Variants in TUBA3E observed in about 807,000 individuals in gnomAD.
TUBA3E encodes the protein tubulin alpha 3e.
A neutral mutation model predicts 36.7 loss-of-function variants in TUBA3E; 21 were observed. The observed-to-expected ratio is 0.57, with a 90% CI of 0.41 to 0.83. The LOEUF is 0.83. TUBA3E is among the 40% of genes least tolerant of loss of function. The probability of loss-of-function intolerance (pLI) is 0.00; values close to 1 mark genes in which losing one functional copy is unlikely to be tolerated. For missense variants in TUBA3E, 469 were observed against 604.2 expected (o/e 0.78, Z 2.35); for synonymous variants, 177 against 241.9 (o/e 0.73, Z 2.49).
rs1169016728 is a variant in TUBA3E, at chr2:130,194,574, A to C, written c.376-108T>G. 8 of 1,225,722 alleles carry C rather than the reference A, an allele frequency of 6.5e-6. No individual in the cohort carries two copies. The African/African-American group carries it at 1.2e-4, about 19-fold the overall frequency. 75.9% of individuals were successfully genotyped at this position (1,225,722 alleles called of 1,614,324 possible). ...CCTCTAAAGAGTTGATATGGATTCA[A>C]ATCATCCATAATAAACATGCAATAC... On this transcript the variant is annotated intron_variant, in intron 3 of 4. Coordinates refer to ENST00000312988, the MANE Select transcript of TUBA3E (RefSeq NM_207312.3).
intron 4 of TUBA3E, among the ~76,000 whole-genome samples, chr2:130,193,086 G>A (rs527363061): frequency 1.2e-4 from 15 of 124,702 alleles, no homozygotes; most frequent in Non-Finnish European, 2.3e-4. Context: ...GAGCAAGATT[G>A]TCTCAAAAAA....
chr2:130,194,972 C>T (rs1374309650), intron 3 of TUBA3E, 107 bp downstream of exon 3: 8 of 1,551,418 alleles, frequency 5.2e-6, no homozygotes, highest in African/African-American at 1.4e-5. Flanking sequence ...GCCACCGCGC[C>T]CGGCCAAGAT....
rs1323211732 is a variant in TUBA3E at position 130,194,417 on chromosome 2, C to T, written c.425G>A (p.Gly142Glu). 1 of 1,604,502 alleles carries T rather than the reference C, an allele frequency of 6.2e-7. No individual in the cohort carries two copies. The highest frequency in any genetic ancestry group is 8.5e-7 in the Non-Finnish European group (1 of 1,175,766). The change falls in exon 4 of 5, where the codon GGG becomes GAG. Residue 142 changes from glycine to glutamate, a missense_variant. Physicochemically the swap from Gly to Glu is moderately conservative, Grantham distance 98. Around this residue, in one of 3 missense-constraint regions of TUBA3E, gnomAD observed 169 missense variants for 239.0 expected, o/e 0.71. Transcript: ENST00000312988. ...TGCGAACCCAGAGCCAGTGCCGCCC[C>T]CAAAGCTGTGGAAGATGAGGAAGCC... ...LQGFLIFHSF[G>E]GGTGSGFASL...
chr2:130,196,403 C>T, intron 1 of TUBA3E, 32 bp from the exon 2 acceptor site: 1 of 1,598,164 alleles, frequency 6.3e-7, no homozygotes, highest in Non-Finnish European at 8.6e-7. Flanking sequence ...TGAACCCATT[C>T]ATTTCAAGGC....
chr2:130,198,174 G>A (rs1224166382), intron 1 of TUBA3E, among the ~76,000 whole-genome samples, 184 bp downstream of exon 1: 1 of 123,052 alleles, frequency 8.1e-6, no homozygotes, highest in Non-Finnish European at 1.8e-5. Flanking sequence ...AACAAAAGCC[G>A]CCGTCCCTGC....
At position 130,192,029 on chromosome 2, in the gene TUBA3E, C is replaced by A; in HGVS notation, c.1155G>T (p.Ala385=). ...TATGGACCAGGCGGGCCCAGGCCTC[C>A]GCAATGGCCGTGGTGTTGCTCAGCA... The part of the protein sequence containing the change: ...VCMLSNTTAI[A]EAWARLVHKF... Residue 385 remains alanine (A), a synonymous_variant, in exon 5 of 5, where the codon GCG becomes GCT. Transcript: ENST00000312988. 1 of 1,614,108 alleles carries A rather than the reference C, an allele frequency of 6.2e-7. No individual in the cohort carries two copies. Among genetic ancestry groups the A allele is most frequent in the Non-Finnish European group, 8.5e-7 (1 of 1,180,020 alleles).
intron 4 of TUBA3E, among the ~76,000 whole-genome samples, chr2:130,192,583 T>TAGC (rs946872175): frequency 2.0e-5 from 3 of 152,268 alleles, no homozygotes; most frequent in Non-Finnish European, 2.9e-5. Flanking sequence ...TATGCAAAGG[T>TAGC]AGCAGATCAT....
Position 130,197,894 on chromosome 2 carries a change from C to T in TUBA3E, c.3+464G>A, listed in dbSNP as rs1468365843. Among the ~76,000 whole-genome samples the T allele has an allele frequency of 4.0e-5, 5 of 125,252 alleles. 1 individual carries two copies. Among genetic ancestry groups the T allele is most frequent in the Admixed American group, 1.8e-4 (2 of 11,328 alleles). The allele number at this position is 125,252 out of a possible 152,430, so 82.2% of individuals were successfully genotyped here. ...AAGGGCTGGGATTCCAGGCGTGAGC[C>T]GCCGCGCCTGGCCTAACGGTTGCCT... On this transcript the variant is annotated intron_variant, in intron 1 of 4. Coordinates refer to ENST00000312988, the MANE Select transcript of TUBA3E (RefSeq NM_207312.3).
At position 130,193,876 on chromosome 2, in the gene TUBA3E, G is replaced by A. The variant is rs765315041; in HGVS notation, c.966C>T (p.Asp322=). 1.2e-5 allele frequency: 19 copies of A among 1,614,072 alleles called. No individual in the cohort carries two copies. The highest frequency in any genetic ancestry group is 5.5e-5 in the South Asian group (5 of 91,094). Residue 322 remains aspartate, a synonymous_variant, in exon 4 of 5, where the codon GAC becomes GAT. Transcript: ENST00000312988. Reference sequence around the variant, plus strand: ...CCGCATTGACGTCTTTGGGGACCACGTCCCCCCTGTACAACATGCAGCAGG... The same window carrying A: ...CCGCATTGACGTCTTTGGGGACCACATCCCCCCTGTACAACATGCAGCAGG... ...YMACCMLYRG[D]VVPKDVNAAI...
chr2:130,192,243 C>G, intron 4 of TUBA3E, 116 bp from the exon 5 acceptor site: 1 of 1,409,098 alleles, frequency 7.1e-7, no homozygotes, highest in South Asian at 1.4e-5. Context: ...GCTCAGTTCA[C>G]CTCACAAACG....
chr2:130,195,199 C>T lies in TUBA3E; in HGVS notation c.255G>A (p.Gln85=), dbSNP rs1690375106. ...VDEVRTGTYR[Q]LFHPEQLITG... ...TGATCAGCTGCTCTGGGTGGAAGAG[C>T]TGCCTGTAGGTCCCTGTGCGCACTT... Residue 85 remains glutamine, a synonymous_variant, in exon 3 of 5, where the codon CAG becomes CAA. Coordinates refer to ENST00000312988, the MANE Select transcript of TUBA3E (RefSeq NM_207312.3). The T allele has an allele frequency of 6.2e-7, 1 of 1,614,042 alleles. No homozygotes were observed. The highest frequency in any genetic ancestry group is 8.5e-7 in the Non-Finnish European group (1 of 1,179,982).
intron 4 of TUBA3E, among the ~76,000 whole-genome samples, chr2:130,193,090 C>CA (rs34628369): frequency 0.42 from 56,013 of 133,936 alleles, 11,107 homozygotes; most frequent in Admixed American, 0.5. Context: ...AAGATTGTCT[C>CA]AAAAAAAAAA....
At chr2:130,196,454 A>G in intron 1 of TUBA3E, 83 bp from the exon 2 acceptor site, 1 of 1,532,770 alleles carries the variant, frequency 6.5e-7, no homozygotes, top group Non-Finnish European at 8.8e-7. Flanking sequence ...CTAATTTAAT[A>G]TTTATATAGT....
Position 130,198,364 on chromosome 2 carries a change from G to C in TUBA3E, c.-4C>G. On this transcript the variant is annotated 5_prime_UTR_variant, in exon 1 of 5. Transcript: ENST00000312988. ...GGAGTGACCCGGGTCTTACCATGGC[G>C]AACTCCGCTGCTTCAGCCCAACGCT... is the stretch of plus-strand genomic sequence containing the variant. The C allele has an allele frequency of 1.5e-6, 2 of 1,356,582 alleles. 1 individual carries two copies. The highest frequency in any genetic ancestry group is 2.0e-6 in the Non-Finnish European group (2 of 995,302). 84.0% of individuals were successfully genotyped at this position (1,356,582 alleles called of 1,614,324 possible).
At chr2:130,194,858 A>T (rs1690365149) in intron 3 of TUBA3E, among the ~76,000 whole-genome samples, 2 of 152,136 alleles carry the variant, frequency 1.3e-5, no homozygotes, top group Non-Finnish European at 2.9e-5. Context: ...TCGTATTTTT[A>T]GTAGACATAG....
At chr2:130,195,612 A>G (rs1033634995) in intron 2 of TUBA3E, among the ~76,000 whole-genome samples, 10 of 152,234 alleles carry the variant, frequency 6.6e-5, no homozygotes, top group African/African-American at 2.4e-4. Context: ...GGGCAGTCCC[A>G]TCAGGGCACC....
At chr2:130,192,205 A>G (rs3863900) in intron 4 of TUBA3E, 78 bp from the exon 5 acceptor site, 2 of 1,536,582 alleles carry the variant, frequency 1.3e-6, no homozygotes, top group African/African-American at 1.4e-5. Flanking sequence ...CCTCAAACAG[A>G]AGACACCCTG....
Position 130,195,124 on chromosome 2 carries a change from G to C in TUBA3E, c.330C>G (p.Ile110Met). 1 of 1,613,062 alleles carries C rather than the reference G, an allele frequency of 6.2e-7. No individual in the cohort carries two copies. Among genetic ancestry groups the C allele is most frequent in the Non-Finnish European group, 8.5e-7 (1 of 1,179,546 alleles). ...ASNYARGHYT[I>M]GKEIVDLVLD... ...GGACTAGGTCAACAATCTCCTTGCC[G>C]ATGGTGTAATGGCCCCTGGCGTAAT... Residue 110 changes from isoleucine to methionine, a missense_variant, in exon 3 of 5, where the codon ATC becomes ATG. This residue lies in a region of TUBA3E where 169 missense variants were observed against 239.0 expected (regional missense o/e 0.71). Coordinates refer to ENST00000312988, the MANE Select transcript of TUBA3E (RefSeq NM_207312.3).
chr2:130,198,344 G>C lies in TUBA3E; in HGVS notation c.3+14C>G. On this transcript the variant is annotated intron_variant, in intron 1 of 4. Transcript: ENST00000312988. ...GCCTGGGCATCTGCGGGGCGGGAGT[G>C]ACCCGGGTCTTACCATGGCGAACTC... is the stretch of plus-strand genomic sequence containing the variant. The C allele has an allele frequency of 1.5e-6, 2 of 1,353,524 alleles. 1 individual carries two copies. 83.8% of individuals were successfully genotyped at this position (1,353,524 alleles called of 1,614,324 possible).
Sources: allele counts gnomAD v4.1 joint callset (sites outside exome capture counted in the v4.1 genomes callset), GRCh38; gene constraint gnomAD v4.1.1; regional missense constraint gnomAD v4.1.1; transcripts MANE v1.5; gene names NCBI Gene and HGNC (gene_info 2026-07-23, HGNC 2026-07-21).